TRIO: variants seen among roughly 807,000 people sequenced by gnomAD.
The protein encoded by TRIO is trio Rho guanine nucleotide exchange factor, also known as triple functional domain protein.
Under a neutral mutation model 351.9 loss-of-function variants are expected in TRIO, and 58 were observed. The ratio of observed to expected loss-of-function variants is 0.16; its 90% confidence interval spans 0.13 to 0.21. The LOEUF (loss-of-function observed/expected upper bound fraction) is 0.21, where lower values mean the gene tolerates loss of function less well. TRIO is among the 10% of genes least tolerant of loss of function. TRIO has a pLI of 1.00. For missense variants in TRIO, 3,201 were observed against 4,027.8 expected, an observed-to-expected ratio of 0.79 and a Z score of 5.56; for synonymous variants, 1,758 against 1,595.7, an observed-to-expected ratio of 1.10 and a Z score of -2.42.
intron 1 of TRIO, among the ~76,000 whole-genome samples, chr5:14,256,758 C>T (rs913802229): frequency 1.8e-4 from 27 of 152,360 alleles, no homozygotes; most frequent in African/African-American, 6.3e-4. Flanking sequence ...CGTCCTCCTC[C>T]TGTTTGGAGG....
intron 49 of TRIO, among the ~76,000 whole-genome samples, chr5:14,495,742 G>T (rs891747806): frequency 6.6e-6 from 1 of 151,554 alleles, no homozygotes; most frequent in African/African-American, 2.4e-5. Flanking sequence ...GCCAAGACGG[G>T]TGGATCACGA....
intron 4 of TRIO, among the ~76,000 whole-genome samples, chr5:14,288,808 C>T (rs1561295799): frequency 1.3e-5 from 2 of 152,168 alleles, no homozygotes; most frequent in East Asian, 1.9e-4. Context: ...CCGGACCAGC[C>T]CTTCTTGTTT....
At position 14,286,919 on chromosome 5, in the gene TRIO, G is replaced by A. The variant is rs775854829; in HGVS notation, c.396G>A (p.Gly132=). 6.2e-7 allele frequency: 1 copy of A among 1,614,066 alleles called. No homozygotes were observed. The highest frequency in any genetic ancestry group is 1.7e-5 in the Admixed American group (1 of 60,026). ...TCACGGTGATCGTGGACATGCGTGG[G>A]TCCAAGTGGGACTCCATCAAGCCCC... ...RGFTVIVDMR[G]SKWDSIKPLL... The change falls in exon 4 of 57, where the codon GGG becomes GGA. Residue 132 remains glycine, a synonymous_variant. Coordinates refer to ENST00000344204, the MANE Select transcript of TRIO (RefSeq NM_007118.4). The surrounding 1 kb of genome is among the most constrained non-coding windows in gnomAD (Gnocchi z 4.4).
intron 1 of TRIO, among the ~76,000 whole-genome samples, chr5:14,211,590 GTTTTT>G (rs33992664): frequency 3.3e-5 from 4 of 120,070 alleles, no homozygotes; most frequent in Non-Finnish European, 6.6e-5. Context: ...ACACTCAGTT[GTTTTT>G]TTTTTTTTTT....
intron 1 of TRIO, among the ~76,000 whole-genome samples, chr5:14,190,445 A>T (rs1790385925): frequency 5.9e-5 from 9 of 152,222 alleles, no homozygotes; most frequent in Admixed American, 5.9e-4. Context: ...ATAAGAGATC[A>T]TTTACAAAAT....
At chr5:14,161,092 A>G (rs1397413394) in intron 1 of TRIO, among the ~76,000 whole-genome samples, 1 of 152,056 alleles carries the variant, frequency 6.6e-6, no homozygotes, top group Non-Finnish European at 1.5e-5. Context: ...GTATTTTTGT[A>G]GAGATGGGGT....
intron 1 of TRIO, among the ~76,000 whole-genome samples, chr5:14,154,335 G>A (rs1353644310): frequency 6.6e-6 from 1 of 152,162 alleles, no homozygotes; most frequent in African/African-American, 2.4e-5. Context: ...AAAGGAACGG[G>A]GCCGGGGAGT....
intron 41 of TRIO, 83 bp from the exon 42 acceptor site, chr5:14,479,178 T>C: frequency 8.8e-7 from 1 of 1,138,480 alleles, no homozygotes. Context: ...CCTTTATGAA[T>C]GTGCTGAAAT....
At chr5:14,169,609 C>CGT (rs1160101791) in intron 1 of TRIO, among the ~76,000 whole-genome samples, 2 of 152,166 alleles carry the variant, frequency 1.3e-5, no homozygotes, top group Admixed American at 1.3e-4. Flanking sequence ...CGAACACACA[C>CGT]GTGTGTGTGA....
chr5:14,264,028 C>T (rs1316206904), intron 1 of TRIO, among the ~76,000 whole-genome samples: 1 of 152,162 alleles, frequency 6.6e-6, no homozygotes, highest in African/African-American at 2.4e-5. Context: ...TATAATACTA[C>T]TACTTCTTGA....
intron 11 of TRIO, among the ~76,000 whole-genome samples, chr5:14,337,473 C>A (rs899495767): frequency 4.6e-5 from 7 of 152,176 alleles, no homozygotes; most frequent in African/African-American, 1.7e-4. Flanking sequence ...CACTGAGGAC[C>A]TTCACAGAGG....
chr5:14,303,356 T>G (rs28565899), intron 7 of TRIO, among the ~76,000 whole-genome samples: 11 of 118,102 alleles, frequency 9.3e-5, no homozygotes, highest in Admixed American at 1.8e-4. Context: ...ATGGAGGGTG[T>G]CAGTGGAGGA....
chr5:14,395,979 G>A (rs749296855), intron 28 of TRIO, among the ~76,000 whole-genome samples: 13 of 146,700 alleles, frequency 8.9e-5, no homozygotes, highest in Non-Finnish European at 1.8e-4. Flanking sequence ...CTGGGAGGCA[G>A]AGCTTGCAGT....
In TRIO at chr5:14,207,463, TACACACACACACAC is replaced by T. The variant is rs70964545; in HGVS notation, c.158-63344_158-63331del. ...AGGTAGCATAGCAAGACTGTCTCTCTACACACACACACACACACACACACACACACAGCCAGGTA... is the reference window on the plus strand; with the variant it reads ...AGGTAGCATAGCAAGACTGTCTCTCTACACACACACACACACAGCCAGGTA... On this transcript the variant is annotated intron_variant, in intron 1 of 56. Coordinates refer to ENST00000344204, the MANE Select transcript of TRIO (RefSeq NM_007118.4). Among the ~76,000 whole-genome samples the T allele has an allele frequency of 1.7e-4, 4 of 23,108 alleles. 1 individual carries two copies. Among genetic ancestry groups the T allele is most frequent in the Non-Finnish European group, 3.6e-4 (4 of 11,090 alleles). The allele number at this position is 23,108 out of a possible 152,430, so 15.2% of individuals were successfully genotyped here. A position where few individuals can be genotyped will look rare whatever the true frequency, so the allele number is the denominator to read the frequency against.
chr5:14,250,324 TA>T (rs1243766290), intron 1 of TRIO, among the ~76,000 whole-genome samples: 2 of 152,208 alleles, frequency 1.3e-5, no homozygotes, highest in Non-Finnish European at 2.9e-5. Flanking sequence ...CGTTTGTAAT[TA>T]AATTGCGTTT....
intron 8 of TRIO, among the ~76,000 whole-genome samples, chr5:14,305,620 A>G (rs1738295304): frequency 6.6e-6 from 1 of 152,252 alleles, no homozygotes. Flanking sequence ...ATCCAAACAC[A>G]TCCAAACTTG....
At chr5:14,369,868 TC>T (rs1245974066) in intron 18 of TRIO, among the ~76,000 whole-genome samples, 1 of 152,148 alleles carries the variant, frequency 6.6e-6, no homozygotes, top group African/African-American at 2.4e-5. Context: ...AAAATAATCT[TC>T]CTTTGGAGAC....
rs535422759 is a variant in TRIO at position 14,313,242 on chromosome 5, G to T, written c.1501-3271G>T. Among the ~76,000 whole-genome samples the T allele has an allele frequency of 5.9e-4, 90 of 152,276 alleles. 1 individual carries two copies. The highest frequency in any genetic ancestry group is 2.1e-3 in the African/African-American group (86 of 41,544). On this transcript the variant is annotated intron_variant, in intron 8 of 56. Coordinates refer to ENST00000344204, the MANE Select transcript of TRIO (RefSeq NM_007118.4). ...CCCTGCTTATGAATTCTCAGAAGGT[G>T]GAGCTTTCCTTAATGAGTTGTTTTA...
In TRIO at chr5:14,504,492, C is replaced by T. The variant is rs776471690; in HGVS notation, c.8511C>T (p.Val2837=). Residue 2837 remains valine, a synonymous_variant, in exon 55 of 57, where the codon GTC becomes GTT. Coordinates refer to ENST00000344204, the MANE Select transcript of TRIO (RefSeq NM_007118.4). ...AGAAGTTGATGAAGCGCGACCAGGTCACCCATGAGCTTGGCATCCTGCAGA... is the reference window on the plus strand; with the variant it reads ...AGAAGTTGATGAAGCGCGACCAGGTTACCCATGAGCTTGGCATCCTGCAGA... ...VNKKLMKRDQ[V]THELGILQSL... The T allele has an allele frequency of 1.1e-5, 18 of 1,614,058 alleles. No individual in the cohort carries two copies. The Admixed American group carries it at 1.2e-4, about 10-fold the overall frequency.
Sources: gnomAD v4.1 joint callset for allele counts (sites outside exome capture counted in the v4.1 genomes callset) on GRCh38, gnomAD v4.1.1 for gene constraint, Gnocchi (gnomAD v3.1) non-coding constraint, MANE v1.5 for transcripts, NCBI Gene and HGNC (gene_info 2026-07-23, HGNC 2026-07-21) for gene names.